The following CTNNA2 variants were observed in gnomAD, a reference collection of about 807,000 sequenced individuals.
CTNNA2 encodes the protein catenin alpha-2.
Under a neutral mutation model 101.0 loss-of-function variants are expected in CTNNA2, and 42 were observed. The ratio of observed to expected loss-of-function variants is 0.42; its 90% CI spans 0.32 to 0.54. CTNNA2 has a LOEUF of 0.54. CTNNA2 is among the 20% of genes least tolerant of loss of function. CTNNA2 has a pLI of 0.14. For missense variants in CTNNA2, 871 were observed against 1,223.1 expected (o/e 0.71, Z 4.29); for synonymous variants, 450 against 456.4 (o/e 0.99, Z 0.18).
intron 17 of CTNNA2, among the ~76,000 whole-genome samples, chr2:80,610,642 T>G (rs72922415): frequency 0.037 from 5,683 of 151,810 alleles, 363 homozygotes; most frequent in African/African-American, 0.13. Context: ...TTGGACATAT[T>G]ATTTCCATTT....
chr2:80,333,573 C>A (rs1024323303), intron 7 of CTNNA2, among the ~76,000 whole-genome samples: 1 of 152,134 alleles, frequency 6.6e-6, no homozygotes, highest in Non-Finnish European at 1.5e-5. Flanking sequence ...TGCATAATAC[C>A]ATTGGTCAGT....
At chr2:79,497,445 T>C (rs1394246243) in intron 4 of CTNNA2, among the ~76,000 whole-genome samples, 1 of 152,250 alleles carries the variant, frequency 6.6e-6, no homozygotes, top group Non-Finnish European at 1.5e-5. Flanking sequence ...TGTCATCTTC[T>C]GCATCTCCTG....
intron 7 of CTNNA2, among the ~76,000 whole-genome samples, chr2:79,919,067 G>A (rs569717693): frequency 6.6e-6 from 1 of 152,296 alleles, no homozygotes; most frequent in South Asian, 2.1e-4. Flanking sequence ...GAATGGGTGG[G>A]GCAGGCGGTT....
chr2:80,079,052 A>G (rs943366536), intron 7 of CTNNA2, among the ~76,000 whole-genome samples: 18 of 152,120 alleles, frequency 1.2e-4, no homozygotes, highest in African/African-American at 4.3e-4. Context: ...CTTCCAGTGA[A>G]CTGATATATA....
chr2:80,414,228 C>T (rs1286888684), intron 8 of CTNNA2, among the ~76,000 whole-genome samples: 1 of 152,144 alleles, frequency 6.6e-6, no homozygotes, highest in Non-Finnish European at 1.5e-5. Flanking sequence ...TATTTGAGCC[C>T]AGCATAAAAG....
At chr2:80,608,497 G>A (rs1698205079) in intron 17 of CTNNA2, 179 bp downstream of exon 17, 1 of 524,590 alleles carries the variant, frequency 1.9e-6, no homozygotes, top group East Asian at 3.2e-5. Flanking sequence ...AGAGCAATTT[G>A]ATTTTCCAAT....
intron 7 of CTNNA2, among the ~76,000 whole-genome samples, chr2:80,234,364 A>T (rs1170612275): frequency 6.6e-6 from 1 of 152,190 alleles, no homozygotes; most frequent in African/African-American, 2.4e-5. Context: ...AAATGTTAGA[A>T]GGTATTAATC....
intron 3 of CTNNA2, among the ~76,000 whole-genome samples, chr2:79,800,406 A>G (rs1268512338): frequency 1.3e-5 from 2 of 152,172 alleles, no homozygotes; most frequent in East Asian, 3.8e-4. Flanking sequence ...CTCTGAATGA[A>G]CATTGACTTC....
chr2:80,544,885 C>T, intron 9 of CTNNA2, 97 bp from the exon 10 acceptor site: 1 of 993,248 alleles, frequency 1.0e-6, no homozygotes, highest in Admixed American at 2.6e-5. Flanking sequence ...AAGAATTCTC[C>T]TGGAAGAGAC....
At chr2:80,480,534 G>A (rs955406843) in intron 9 of CTNNA2, among the ~76,000 whole-genome samples, 27 of 152,072 alleles carry the variant, frequency 1.8e-4, no homozygotes, top group African/African-American at 5.1e-4. Flanking sequence ...TGTAAGTATC[G>A]TTGCTTGTGA....
chr2:79,579,861 G>A (rs866132399), intron 1 of CTNNA2, among the ~76,000 whole-genome samples: 2 of 152,098 alleles, frequency 1.3e-5, no homozygotes, highest in South Asian at 2.1e-4. Context: ...GGATCCACCT[G>A]CCTCGGCCTT....
At chr2:80,542,102 G>A (rs561714074) in intron 9 of CTNNA2, among the ~76,000 whole-genome samples, 1 of 124,300 alleles carries the variant, frequency 8.0e-6, no homozygotes, top group Non-Finnish European at 1.7e-5. Flanking sequence ...AGCTCTAAAA[G>A]CTATAGATTC....
rs568351536 is a variant in CTNNA2 at position 79,967,464 on chromosome 2, C to G, written c.1056+57667C>G. On this transcript the variant is annotated intron_variant, in intron 7 of 18. Coordinates refer to ENST00000402739, the MANE Select transcript of CTNNA2 (RefSeq NM_001282597.3). ...TAATGCAAGGGATTCTAATGTGTCT[C>G]TTTGTTTCCTCTCTTGCCTCATGAT... Among the ~76,000 whole-genome samples the G allele has an allele frequency of 5.3e-5, 8 of 152,266 alleles. No individual in the cohort carries two copies. In the East Asian group the frequency reaches 1.5e-3, roughly 29 times the overall value.
intron 1 of CTNNA2, among the ~76,000 whole-genome samples, chr2:79,590,717 T>C (rs1275644864): frequency 1.3e-5 from 2 of 152,180 alleles, no homozygotes; most frequent in Non-Finnish European, 2.9e-5. Flanking sequence ...GTTTTTTTCA[T>C]GTTGCAGGTA....
At chr2:79,900,489 C>A (rs1475806732) in intron 6 of CTNNA2, among the ~76,000 whole-genome samples, 2 of 152,208 alleles carry the variant, frequency 1.3e-5, no homozygotes, top group African/African-American at 4.8e-5. Context: ...GTCAACACAG[C>A]ATGAAGTCCT....
chr2:80,021,833 T>C (rs779652512), intron 7 of CTNNA2, among the ~76,000 whole-genome samples: 1 of 152,208 alleles, frequency 6.6e-6, no homozygotes, highest in Non-Finnish European at 1.5e-5. Context: ...ATGAAAATTT[T>C]GTATTCTTTG....
chr2:79,755,882 G>A (rs1672364577), intron 3 of CTNNA2, among the ~76,000 whole-genome samples: 1 of 152,000 alleles, frequency 6.6e-6, no homozygotes, highest in Non-Finnish European at 1.5e-5. Flanking sequence ...TGCATACAAT[G>A]ACAAAAAGAC....
At chr2:79,869,533 A>G (rs1021390540) in intron 4 of CTNNA2, among the ~76,000 whole-genome samples, 19 of 152,198 alleles carry the variant, frequency 1.2e-4, no homozygotes, top group South Asian at 1.0e-3. Flanking sequence ...TTAAAGGTCG[A>G]TATCTTTCCA....
chr2:79,697,322 A>T (rs1308651167), intron 2 of CTNNA2, among the ~76,000 whole-genome samples: 1 of 152,002 alleles, frequency 6.6e-6, no homozygotes. Flanking sequence ...TCCGTGCATT[A>T]AAAACAGAAT....
Sources: gnomAD v4.1 joint callset for allele counts (sites outside exome capture counted in the v4.1 genomes callset) on GRCh38, gnomAD v4.1.1 for gene constraint, MANE v1.5 for transcripts, NCBI Gene and HGNC (gene_info 2026-07-23, HGNC 2026-07-21) for gene names.